Variants in CNTNAP2 observed in about 807,000 individuals in gnomAD.
CNTNAP2 encodes the protein contactin associated protein 2, also known as contactin-associated protein-like 2.
CNTNAP2 carries 98 observed loss-of-function variants against 155.2 expected under a neutral mutation model. The observed-to-expected ratio is 0.63, with a 90% CI of 0.54 to 0.75. The LOEUF (loss-of-function observed/expected upper bound fraction) is 0.75. Ranked by LOEUF, CNTNAP2 falls within the 30% of genes least tolerant of loss-of-function variation. The pLI, the probability that CNTNAP2 is intolerant of heterozygous loss-of-function variation, is 0.00. For missense variants in CNTNAP2, 1,727 were observed against 1,688.1 expected, an observed-to-expected ratio of 1.02 and a Z score of -0.40; for synonymous variants, 651 against 631.2, an observed-to-expected ratio of 1.03 and a Z score of -0.47.
chr7:146,216,619 C>T (rs1233020027), intron 1 of CNTNAP2, among the ~76,000 whole-genome samples: 1 of 152,166 alleles, frequency 6.6e-6, no homozygotes, highest in African/African-American at 2.4e-5. Context: ...CAGACTCACT[C>T]TTCTCCTGCT....
In CNTNAP2 at chr7:147,870,989, C is replaced by A. The variant is rs915198772; in HGVS notation, c.2099-32576C>A. Among the ~76,000 whole-genome samples, 30 of 152,060 alleles carry A rather than the reference C, an allele frequency of 2.0e-4. 1 individual carries two copies. The highest frequency in any genetic ancestry group is 2.9e-5 in the Non-Finnish European group (2 of 68,002). On this transcript the variant is annotated intron_variant, in intron 13 of 23. Coordinates refer to ENST00000361727, the MANE Select transcript of CNTNAP2 (RefSeq NM_014141.6). ...CAGGTAAGAAAGGAAGGAGGCTTTC[C>A]AGCATAGCCTTACTTTTGGCTGGGC...
chr7:147,441,034 G>T (rs1368558839), intron 10 of CNTNAP2, among the ~76,000 whole-genome samples: 1 of 151,818 alleles, frequency 6.6e-6, no homozygotes. Context: ...TTCTTTTATT[G>T]TGTCTTTGAA....
At chr7:146,259,398 G>A (rs1799887075) in intron 1 of CNTNAP2, among the ~76,000 whole-genome samples, 1 of 152,132 alleles carries the variant, frequency 6.6e-6, no homozygotes, top group Non-Finnish European at 1.5e-5. Flanking sequence ...GGAAGATGTG[G>A]GGAAGGTCAG....
At chr7:146,178,501 C>G (rs1016389465) in intron 1 of CNTNAP2, among the ~76,000 whole-genome samples, 1 of 152,152 alleles carries the variant, frequency 6.6e-6, no homozygotes, top group African/African-American at 2.4e-5. Context: ...CCATACAATA[C>G]AGAACATAAG....
intron 9 of CNTNAP2, among the ~76,000 whole-genome samples, chr7:147,376,505 G>A (rs1267566335): frequency 6.6e-6 from 1 of 151,958 alleles, no homozygotes; most frequent in Non-Finnish European, 1.5e-5. Flanking sequence ...AACTTGTAGT[G>A]AATTTTACCT....
In CNTNAP2 at chr7:146,195,801, G is replaced by A. The variant is rs143378404; in HGVS notation, c.97+78828G>A. 2.6e-4 allele frequency among the ~76,000 whole-genome samples: 40 copies of A among 152,226 alleles called. 1 individual carries two copies. The highest frequency in any genetic ancestry group is 8.2e-4 in the African/African-American group (34 of 41,534). On this transcript the variant is annotated intron_variant, in intron 1 of 23. Coordinates refer to ENST00000361727, the MANE Select transcript of CNTNAP2 (RefSeq NM_014141.6). ...GAAGCCTTGGCCCTTTGCCTACAAC[G>A]CACGCCTCAGAATGATGTCAGCATT...
chr7:146,634,893 TTTAATAA>T (rs1370867748), intron 1 of CNTNAP2, among the ~76,000 whole-genome samples: 3 of 152,182 alleles, frequency 2.0e-5, no homozygotes, highest in Non-Finnish European at 2.9e-5. Flanking sequence ...GGAATGAGAC[TTTAATAA>T]TTAATAGAGT....
rs1232504918 is a variant in CNTNAP2, at chr7:147,366,080, C to T, written c.1499-29529C>T. ...ATTTTCATTAGATTCTCCTGGGTAC[C>T]TGGACTCACAGTCATTATTTTAGAT... On this transcript the variant is annotated intron_variant, in intron 9 of 23. Coordinates refer to ENST00000361727, the MANE Select transcript of CNTNAP2 (RefSeq NM_014141.6). 2.0e-5 allele frequency among the ~76,000 whole-genome samples: 3 copies of T among 152,120 alleles called. No homozygotes were observed. The East Asian group carries it at 5.8e-4, about 29-fold the overall frequency.
At chr7:148,224,907 T>C (rs1044220511) in intron 19 of CNTNAP2, among the ~76,000 whole-genome samples, 1 of 152,164 alleles carries the variant, frequency 6.6e-6, no homozygotes, top group Non-Finnish European at 1.5e-5. Flanking sequence ...GTCACTATCA[T>C]GAGAACAGCA....
At chr7:148,118,044 G>A in intron 15 of CNTNAP2, 74 bp from the exon 16 acceptor site, 1 of 1,499,794 alleles carries the variant, frequency 6.7e-7, no homozygotes. Flanking sequence ...TTAAACTCAA[G>A]CAATGGGTAT....
chr7:147,597,017 T>A (rs759153927), intron 12 of CNTNAP2, among the ~76,000 whole-genome samples: 1 of 152,202 alleles, frequency 6.6e-6, no homozygotes, highest in Admixed American at 6.5e-5. Context: ...TGCCCACCCC[T>A]TTCCCAGAAA....
intron 4 of CNTNAP2, among the ~76,000 whole-genome samples, chr7:147,056,729 G>C (rs1799568478): frequency 6.6e-6 from 1 of 152,108 alleles, no homozygotes; most frequent in African/African-American, 2.4e-5. Context: ...GGGGCAAATG[G>C]TTTCAATTCA....
At chr7:147,048,653 G>T (rs988437748) in intron 4 of CNTNAP2, among the ~76,000 whole-genome samples, 17 of 152,132 alleles carry the variant, frequency 1.1e-4, no homozygotes, top group Admixed American at 8.5e-4. Context: ...GTGGCTACTA[G>T]CATGTGAAAT....
chr7:148,251,865 C>T (rs1796368482), intron 20 of CNTNAP2, among the ~76,000 whole-genome samples: 1 of 152,142 alleles, frequency 6.6e-6, no homozygotes, highest in South Asian at 2.1e-4. Context: ...GAGTGTGCAG[C>T]CTTGCCTCAT....
chr7:146,578,642 T>C (rs1160650803), intron 1 of CNTNAP2, among the ~76,000 whole-genome samples: 3 of 152,156 alleles, frequency 2.0e-5, no homozygotes, highest in Admixed American at 2.0e-4. Context: ...CTGTCTTTTA[T>C]AAATATCTCC....
chr7:146,959,279 A>C (rs1198059601), intron 3 of CNTNAP2, among the ~76,000 whole-genome samples: 1 of 152,070 alleles, frequency 6.6e-6, no homozygotes, highest in Admixed American at 6.6e-5. Flanking sequence ...CGGCCTCCCA[A>C]AGTGAGCCAC....
intron 1 of CNTNAP2, among the ~76,000 whole-genome samples, chr7:146,596,097 T>C (rs1798854467): frequency 6.6e-6 from 1 of 152,052 alleles, no homozygotes; most frequent in South Asian, 2.1e-4. Context: ...TGTGTCAATA[T>C]AGCAGCATGC....
intron 9 of CNTNAP2, among the ~76,000 whole-genome samples, chr7:147,362,750 ACTGC>A (rs1411083311): frequency 6.6e-6 from 1 of 152,188 alleles, no homozygotes; most frequent in East Asian, 1.9e-4. Flanking sequence ...CAACTCTAAA[ACTGC>A]CTGTCCTAGA....
rs990060843 is a variant in CNTNAP2, at chr7:146,972,432, G to T, written c.403-71475G>T. On this transcript the variant is annotated intron_variant, in intron 3 of 23. Transcript: ENST00000361727. ...TTTAACATTTGTGTTTTATTTTAAT[G>T]AATACAATTTTCAAGTATGTTATAT... Among the ~76,000 whole-genome samples, 5 of 151,992 alleles carry T rather than the reference G, an allele frequency of 3.3e-5. No individual in the cohort carries two copies. The East Asian group carries it at 9.6e-4, about 29-fold the overall frequency.
Sources: gnomAD v4.1 joint callset for allele counts (sites outside exome capture counted in the v4.1 genomes callset) on GRCh38, gnomAD v4.1.1 for gene constraint, MANE v1.5 for transcripts, NCBI Gene and HGNC (gene_info 2026-07-23, HGNC 2026-07-21) for gene names.